Variants in VPS13C observed in about 807,000 individuals in gnomAD.
VPS13C encodes intermembrane lipid transfer protein VPS13C.
A neutral mutation model predicts 456.8 loss-of-function variants in VPS13C; 358 were observed. The ratio of observed to expected loss-of-function variants is 0.78; its 90% CI spans 0.72 to 0.86. The LOEUF (loss-of-function observed/expected upper bound fraction) is 0.86. Among genes scored for constraint, VPS13C ranks in the 40% least tolerant of loss-of-function variants. VPS13C has a pLI of 0.00. For missense variants in VPS13C, 4,818 were observed against 4,385.4 expected, an observed-to-expected ratio of 1.10 and a Z score of -2.79; for synonymous variants, 1,578 against 1,486.7, an observed-to-expected ratio of 1.06 and a Z score of -1.41.
intron 1 of VPS13C, among the ~76,000 whole-genome samples, chr15:62,053,450 G>A (rs2048691529): frequency 6.6e-6 from 1 of 152,144 alleles, no homozygotes; most frequent in Admixed American, 6.5e-5. Flanking sequence ...ATTGACTGTG[G>A]CTCTTTACTC....
At chr15:61,954,937 AATG>A (rs1348016319) in intron 37 of VPS13C, among the ~76,000 whole-genome samples, 6 of 152,172 alleles carry the variant, frequency 3.9e-5, no homozygotes, top group African/African-American at 1.4e-4. Flanking sequence ...AAAACCAGGG[AATG>A]ATAACACATG....
At chr15:61,903,463 A>T (rs901199332) in intron 66 of VPS13C, among the ~76,000 whole-genome samples, 1 of 152,196 alleles carries the variant, frequency 6.6e-6, no homozygotes, top group African/African-American at 2.4e-5. Flanking sequence ...GATTTGACCA[A>T]AATGTATAAA....
In VPS13C at chr15:61,888,417, G is replaced by C. The variant is rs187146299; in HGVS notation, c.9341+1748C>G. Among the ~76,000 whole-genome samples the C allele has an allele frequency of 7.2e-5, 11 of 152,124 alleles. No homozygotes were observed. In the East Asian group the frequency reaches 2.1e-3, roughly 29 times the overall value. On this transcript the variant is annotated intron_variant, in intron 67 of 84. Transcript: ENST00000644861. ...ACGAATGTTTATAACAGCTTTATTT[G>C]TCATTGCGAAAATGTGGAAGCAACC... is the stretch of plus-strand genomic sequence containing the variant.
At chr15:61,863,411 T>C in intron 82 of VPS13C, 29 bp downstream of exon 82, 1 of 1,565,664 alleles carries the variant, frequency 6.4e-7, no homozygotes, top group South Asian at 1.1e-5. Context: ...CTAAGTACTA[T>C]TTGGAAAAAT....
chr15:62,004,320 A>G (rs1318164120), intron 15 of VPS13C, among the ~76,000 whole-genome samples: 1 of 151,968 alleles, frequency 6.6e-6, no homozygotes, highest in African/African-American at 2.4e-5. Flanking sequence ...AGGTGTTTGT[A>G]GTATTCTCTG....
chr15:62,030,579 G>A lies in VPS13C; in HGVS notation c.386-2159C>T, dbSNP rs1405233907. On this transcript the variant is annotated intron_variant, in intron 5 of 84. Coordinates refer to ENST00000644861, the MANE Select transcript of VPS13C (RefSeq NM_020821.3). ...ATTCCTTTATAGCAATGCAAAAACT[G>A]CCTAACACACACATCATGTGACCTG... 2.0e-5 allele frequency among the ~76,000 whole-genome samples: 3 copies of A among 152,010 alleles called. No individual in the cohort carries two copies. In the East Asian group the frequency reaches 5.8e-4, roughly 29 times the overall value.
intron 57 of VPS13C, among the ~76,000 whole-genome samples, chr15:61,919,811 T>C (rs563521943): frequency 6.8e-6 from 1 of 147,684 alleles, no homozygotes; most frequent in African/African-American, 2.4e-5. Flanking sequence ...ACATTATATA[T>C]ATAATATTTA....
intron 15 of VPS13C, among the ~76,000 whole-genome samples, chr15:62,002,013 T>C (rs146681735): frequency 0.059 from 8,975 of 152,328 alleles, 333 homozygotes; most frequent in Non-Finnish European, 0.084. Flanking sequence ...GCATGATTTA[T>C]AGTCCTTTGG....
At position 61,942,006 on chromosome 15, in the gene VPS13C, G is replaced by A. The variant is rs1358849302; in HGVS notation, c.5210C>T (p.Ala1737Val). The change falls in exon 46 of 85, where the codon GCA (alanine) becomes GTA (valine). Residue 1737 changes from alanine to valine, a missense_variant. This residue lies in a region of VPS13C where 4,552 missense variants were observed against 4,130.6 expected (regional missense o/e 1.10). Transcript: ENST00000644861. ...EALSTATVQA[A>V]ERAASSMKDL... ...TTTCATGCTGGAAGCAGCTCTTTCTGCAGCCTGGACTGTGGCTGTACTCAA... is the reference window on the plus strand; with the variant it reads ...TTTCATGCTGGAAGCAGCTCTTTCTACAGCCTGGACTGTGGCTGTACTCAA... The A allele has an allele frequency of 1.9e-6, 3 of 1,613,800 alleles. No individual in the cohort carries two copies. In the African/African-American group the frequency reaches 4.0e-5, roughly 22 times the overall value.
chr15:62,042,173 T>C (rs1282902287), intron 2 of VPS13C, among the ~76,000 whole-genome samples: 1 of 152,202 alleles, frequency 6.6e-6, no homozygotes, highest in Non-Finnish European at 1.5e-5. Context: ...GTATTTCGTT[T>C]AGATAAGTTA....
At chr15:61,888,251 C>A (rs926200018) in intron 67 of VPS13C, among the ~76,000 whole-genome samples, 4 of 152,106 alleles carry the variant, frequency 2.6e-5, no homozygotes, top group African/African-American at 7.2e-5. Flanking sequence ...AGTGGGAATG[C>A]AAAAATGATG....
intron 66 of VPS13C, among the ~76,000 whole-genome samples, chr15:61,900,369 G>A (rs1003285512): frequency 3.0e-4 from 46 of 152,170 alleles, no homozygotes; most frequent in Admixed American, 5.9e-4. Context: ...AAACCCCACC[G>A]TCTCAGCCCA....
chr15:61,942,262 G>A (rs1380254589), intron 45 of VPS13C, among the ~76,000 whole-genome samples, 195 bp from the exon 46 acceptor site: 1 of 151,244 alleles, frequency 6.6e-6, no homozygotes. Context: ...GGAAGAAAGA[G>A]CTCTTTCTTA....
rs183854815 is a variant in VPS13C at position 61,954,345 on chromosome 15, G to T, written c.4299+76C>A. The stretch of plus-strand genomic sequence containing the variant: ...TTTTTTTCATCAGTATCAATTATCT[G>T]TAAGTTTAGTAGAGGTAATTCCAAT... On this transcript the variant is annotated intron_variant, in intron 38 of 84. Transcript: ENST00000644861. 5.4e-4 allele frequency: 794 copies of T among 1,480,010 alleles called. 18 individuals carry two copies. The East Asian group carries it at 0.019, about 35-fold the overall frequency. 91.7% of individuals were successfully genotyped at this position (1,480,010 alleles called of 1,614,324 possible).
At position 61,946,314 on chromosome 15, in the gene VPS13C, TGAATGGAC is replaced by T; in HGVS notation, c.4965_4972del (p.Ser1656GlnfsTer10). 6.3e-7 allele frequency: 1 copy of T among 1,590,454 alleles called. No homozygotes were observed. Among genetic ancestry groups the T allele is most frequent in the Admixed American group, 1.8e-5 (1 of 54,350 alleles). The stretch of plus-strand genomic sequence containing the variant: ...AATCTATTTTTTAATCACCTTTTTG[TGAATGGAC>T]TGCAAATCTACATTCATAACTATAA... On this transcript the variant is annotated frameshift_variant, in exon 44 of 85. Coordinates refer to ENST00000644861, the MANE Select transcript of VPS13C (RefSeq NM_020821.3). LOFTEE classifies it high-confidence loss of function.
chr15:61,916,081 C>G, intron 60 of VPS13C, 59 bp from the exon 61 acceptor site: 1 of 1,494,008 alleles, frequency 6.7e-7, no homozygotes, highest in East Asian at 2.3e-5. Flanking sequence ...TAACAAAATT[C>G]TTATTTTTCA....
At chr15:61,929,479 A>G in intron 51 of VPS13C, 22 bp downstream of exon 51, 1 of 1,608,104 alleles carries the variant, frequency 6.2e-7, no homozygotes, top group Middle Eastern at 1.7e-4. Context: ...GTTGTCATCT[A>G]TGACAGATAA....
intron 6 of VPS13C, 63 bp from the exon 7 acceptor site, chr15:62,023,908 G>A (rs894291995): frequency 9.7e-6 from 14 of 1,450,756 alleles, no homozygotes; most frequent in Non-Finnish European, 1.2e-5. Flanking sequence ...CTACAGGACA[G>A]AAAAGAAAAC....
chr15:62,000,040 T>C (rs2046551835), intron 16 of VPS13C, among the ~76,000 whole-genome samples: 2 of 152,294 alleles, frequency 1.3e-5, no homozygotes, highest in South Asian at 4.1e-4. Flanking sequence ...TACTTTCTTC[T>C]TGGAGTTTTT....
Sources: gnomAD v4.1 joint callset for allele counts (sites outside exome capture counted in the v4.1 genomes callset) on GRCh38, gnomAD v4.1.1 for gene constraint, gnomAD v4.1.1 regional missense constraint, MANE v1.5 for transcripts, NCBI Gene and HGNC (gene_info 2026-07-23, HGNC 2026-07-21) for gene names.